ADAM11: variants seen among roughly 807,000 people sequenced by gnomAD.
The protein encoded by ADAM11 is ADAM metallopeptidase domain 11.
ADAM11 carries 49 observed loss-of-function variants against 119.1 expected under a neutral mutation model. The ratio of observed to expected loss-of-function variants is 0.41; its 90% CI spans 0.33 to 0.52. The LOEUF is 0.52. Ranked by LOEUF, ADAM11 falls within the 20% of genes least tolerant of loss-of-function variation. ADAM11 has a pLI of 0.20. For synonymous variants in ADAM11, 364 were observed against 408.0 expected (o/e 0.89, Z 1.30); for missense variants, 777 against 1,047.5 (o/e 0.74, Z 3.56).
chr17:44,772,024 C>T lies in ADAM11; in HGVS notation c.543+193C>T, dbSNP rs1205165056. On this transcript the variant is annotated intron_variant, in intron 6 of 26. Coordinates refer to ENST00000200557, the MANE Select transcript of ADAM11 (RefSeq NM_002390.6). The surrounding 1 kb of genome is among the most constrained non-coding windows in gnomAD (Gnocchi z 4.5). ...CCCCCTGTGCCCCCAGCTCCAATGTCCCATCTGTCCCATAAGTGACCTCCC... is the reference window on the plus strand; with the variant it reads ...CCCCCTGTGCCCCCAGCTCCAATGTTCCATCTGTCCCATAAGTGACCTCCC... Among the ~76,000 whole-genome samples the T allele has an allele frequency of 6.6e-6, 1 of 152,138 alleles. No homozygotes were observed. The highest frequency in any genetic ancestry group is 1.5e-5 in the Non-Finnish European group (1 of 68,020).
intron 2 of ADAM11, among the ~76,000 whole-genome samples, chr17:44,762,600 G>A (rs747936790): frequency 2.6e-5 from 4 of 152,108 alleles, no homozygotes; most frequent in South Asian, 4.1e-4. Context: ...GTCATGTGTC[G>A]AGTCCAGGGG....
At position 44,772,413 on chromosome 17, in the gene ADAM11, G is replaced by A. The variant is rs746156030; in HGVS notation, c.625G>A (p.Val209Met). 3 of 1,578,886 alleles carry A rather than the reference G, an allele frequency of 1.9e-6. No individual in the cohort carries two copies. The highest frequency in any genetic ancestry group is 2.3e-5 in the South Asian group (2 of 86,966). Reference protein sequence around the residue: ...GCREPGCLFAVPAQSAPPNRP... With the variant: ...GCREPGCLFAMPAQSAPPNRP... The stretch of plus-strand genomic sequence containing the variant: ...CCTCCCCACAGGCTGCCTGTTTGCT[G>A]TGCCTGCCCAGTCGGCTCCTCCAAA... Residue 209 changes from valine (V) to methionine (M), a missense_variant, in exon 8 of 27, where the codon GTG becomes ATG. Val to Met is a conservative substitution (Grantham distance 21). Transcript: ENST00000200557. This position sits in a 1 kb window ranked among gnomAD's most constrained non-coding sequence, Gnocchi z 4.5.
intron 2 of ADAM11, among the ~76,000 whole-genome samples, chr17:44,763,575 TGC>T (rs1156915409): frequency 6.6e-6 from 1 of 152,150 alleles, no homozygotes; most frequent in Non-Finnish European, 1.5e-5. Flanking sequence ...CGAGGGGTGG[TGC>T]AGGTCAGGCA....
intron 2 of ADAM11, among the ~76,000 whole-genome samples, chr17:44,762,705 T>G (rs1244328165): frequency 1.3e-5 from 2 of 151,954 alleles, no homozygotes; most frequent in Non-Finnish European, 2.9e-5. Context: ...TTCCCTAAAA[T>G]CAGGATGGTA....
intron 2 of ADAM11, among the ~76,000 whole-genome samples, chr17:44,763,641 A>ATGCTT: frequency 1.3e-5 from 2 of 152,160 alleles, no homozygotes; most frequent in Non-Finnish European, 2.9e-5. Flanking sequence ...TGACTGGGCA[A>ATGCTT]GCAGTAAGTG....
chr17:44,779,999 C>T lies in ADAM11; in HGVS notation c.*245C>T. 3 of 705,840 alleles carry T rather than the reference C, an allele frequency of 4.3e-6. No homozygotes were observed. Among genetic ancestry groups the T allele is most frequent in the Non-Finnish European group, 7.7e-6 (3 of 388,826 alleles). 43.7% of individuals were successfully genotyped at this position (705,840 alleles called of 1,614,324 possible). ...CCACCTCCTGCGGCTCAGCCTTGCA[C>T]ACCCACTGCCCCGTGTGAATGTAGC... On this transcript the variant is annotated 3_prime_UTR_variant, in exon 27 of 27. Coordinates refer to ENST00000200557, the MANE Select transcript of ADAM11 (RefSeq NM_002390.6).
chr17:44,778,028 C>T lies in ADAM11; in HGVS notation c.2147C>T (p.Pro716Leu). 1.2e-6 allele frequency: 2 copies of T among 1,613,842 alleles called. No homozygotes were observed. The highest frequency in any genetic ancestry group is 1.1e-5 in the South Asian group (1 of 90,980). ...GACTGCAGTATCCATAACCCCCTGCCCACGTCCCCACCCACGGGGGAGACG... is the reference window on the plus strand; with the variant it reads ...GACTGCAGTATCCATAACCCCCTGCTCACGTCCCCACCCACGGGGGAGACG... Reference protein sequence around the residue: ...GKDCSIHNPLPTSPPTGETER... With the variant: ...GKDCSIHNPLLTSPPTGETER... Residue 716 changes from proline to leucine, a missense_variant, in exon 24 of 27, where the codon CCC (proline) becomes CTC (leucine). Physicochemically the swap from Pro to Leu is moderately conservative, Grantham distance 98. Coordinates refer to ENST00000200557, the MANE Select transcript of ADAM11 (RefSeq NM_002390.6).
intron 25 of ADAM11, 30 bp downstream of exon 25, chr17:44,778,272 G>A (rs761692065): frequency 1.9e-5 from 30 of 1,589,810 alleles, no homozygotes; most frequent in Non-Finnish European, 2.1e-5. Context: ...TGTGCCCCCT[G>A]GCATCCTTGA....
intron 2 of ADAM11, among the ~76,000 whole-genome samples, chr17:44,769,176 G>A (rs190817758): frequency 1.9e-4 from 29 of 152,348 alleles, no homozygotes; most frequent in Middle Eastern, 3.4e-3. Flanking sequence ...GCACCTGCCC[G>A]TCGCCCAGTT....
Position 44,779,933 on chromosome 17 carries a change from G to T in ADAM11, c.*179G>T. 1 of 915,826 alleles carries T rather than the reference G, an allele frequency of 1.1e-6. No individual in the cohort carries two copies. The highest frequency in any genetic ancestry group is 1.4e-5 in the South Asian group (1 of 71,858). The allele number at this position is 915,826 out of a possible 1,614,324, so 56.7% of individuals were successfully genotyped here. On this transcript the variant is annotated 3_prime_UTR_variant, in exon 27 of 27. Transcript: ENST00000200557. ...TGGCCCTGCCCTTGGCACCACCAGGGTGGACCAGGCCTGGAGGGCACTTCC... is the reference window on the plus strand; with the variant it reads ...TGGCCCTGCCCTTGGCACCACCAGGTTGGACCAGGCCTGGAGGGCACTTCC...
intron 4 of ADAM11, among the ~76,000 whole-genome samples, chr17:44,771,030 T>C (rs762973419): frequency 6.6e-6 from 1 of 151,766 alleles, no homozygotes; most frequent in Non-Finnish European, 1.5e-5. Context: ...AGAAGAATTG[T>C]TTGAACCCGG....
At position 44,775,397 on chromosome 17, in the gene ADAM11, C is replaced by T; in HGVS notation, c.1324C>T (p.Leu442=). ...SCLFNKPLKL[L]DPPECGNGFV... The stretch of plus-strand genomic sequence containing the variant: ...CCGACCTGTCCTCCCGGTCCAGCTC[C>T]TGGACCCCCCAGAGTGCGGGAACGG... Residue 442 remains leucine (L), a synonymous_variant, in exon 16 of 27, where the codon CTG becomes TTG. Transcript: ENST00000200557. The surrounding 1 kb of genome is among the most constrained non-coding windows in gnomAD (Gnocchi z 7.5). The T allele has an allele frequency of 6.2e-7, 1 of 1,612,520 alleles. No homozygotes were observed. The highest frequency in any genetic ancestry group is 8.5e-7 in the Non-Finnish European group (1 of 1,179,780).
Position 44,780,058 on chromosome 17 carries a change from G to C in ADAM11, c.*304G>C. The C allele has an allele frequency of 1.5e-6, 1 of 683,050 alleles. No individual in the cohort carries two copies. The allele number at this position is 683,050 out of a possible 1,614,324, so 42.3% of individuals were successfully genotyped here. A position where few individuals can be genotyped will look rare whatever the true frequency, so the allele number is the denominator to read the frequency against. On this transcript the variant is annotated 3_prime_UTR_variant, in exon 27 of 27. Coordinates refer to ENST00000200557, the MANE Select transcript of ADAM11 (RefSeq NM_002390.6). ...CATGGATTGCCACAGCTCAACTCGG[G>C]GGCGCCTGGAGGGATGCCCCCAGGC...
Position 44,759,256 on chromosome 17 carries a change from GC to G in ADAM11, c.60del (p.Gly21ValfsTer66). 7.0e-7 allele frequency: 1 copy of G among 1,418,554 alleles called. No individual in the cohort carries two copies. The highest frequency in any genetic ancestry group is 1.4e-5 in the South Asian group (1 of 71,196). The allele number at this position is 1,418,554 out of a possible 1,614,324, so 87.9% of individuals were successfully genotyped here. ...CTCTGCTGCTGTCGCTGCTCCCCAC[GC>G]CCGGTGAGTGACCCCCGCCCGGCCC... ...AALLLSLLPT[P>X]GLGTQGPAGA... On this transcript the variant is annotated frameshift_variant, in exon 1 of 27. Transcript: ENST00000200557. LOFTEE classifies it high-confidence loss of function.
chr17:44,771,224 C>A (rs1406213651), intron 4 of ADAM11, among the ~76,000 whole-genome samples: 1 of 151,386 alleles, frequency 6.6e-6, no homozygotes, highest in East Asian at 1.9e-4. Flanking sequence ...GGCTTGAACC[C>A]AGGAGGCAGA....
intron 26 of ADAM11, 142 bp downstream of exon 26, chr17:44,779,381 G>C (rs1482937162): frequency 2.1e-6 from 3 of 1,456,756 alleles, no homozygotes; most frequent in Non-Finnish European, 2.7e-6. Flanking sequence ...CTGCCAGGCT[G>C]TCCCGGCAGG....
intron 2 of ADAM11, among the ~76,000 whole-genome samples, chr17:44,768,147 G>A (rs2049473483): frequency 6.6e-6 from 1 of 152,212 alleles, no homozygotes; most frequent in African/African-American, 2.4e-5. Context: ...TGGCATAGGG[G>A]CTTGTTGGTG....
At position 44,772,339 on chromosome 17, in the gene ADAM11, G is replaced by A; in HGVS notation, c.610+6G>A. The A allele has an allele frequency of 6.3e-7, 1 of 1,593,394 alleles. No homozygotes were observed. Among genetic ancestry groups the A allele is most frequent in the Non-Finnish European group, 8.6e-7 (1 of 1,168,694 alleles). ...CCTCGGATGCAGGGAACCAGGTAAG[G>A]GAGGGAAGGGGGGGTGGGGAGGGGC... On this transcript the variant is annotated splice_donor_region_variant and intron_variant, in intron 7 of 26. Transcript: ENST00000200557. The surrounding 1 kb of genome is among the most constrained non-coding windows in gnomAD (Gnocchi z 4.5).
In ADAM11 at chr17:44,772,963, C is replaced by T. The variant is rs765221374; in HGVS notation, c.753+32C>T. On this transcript the variant is annotated intron_variant, in intron 9 of 26. Transcript: ENST00000200557. This position sits in a 1 kb window ranked among gnomAD's most constrained non-coding sequence, Gnocchi z 4.5. ...GCCAGGGCAGGGACAGGGCGTGACACTGGGAGGCCCCTGAGGAGCCTGGCC... is the reference window on the plus strand; with the variant it reads ...GCCAGGGCAGGGACAGGGCGTGACATTGGGAGGCCCCTGAGGAGCCTGGCC... 2 of 1,614,072 alleles carry T rather than the reference C, an allele frequency of 1.2e-6. No individual in the cohort carries two copies. Among genetic ancestry groups the T allele is most frequent in the Admixed American group, 1.7e-5 (1 of 60,020 alleles).
Sources: allele counts gnomAD v4.1 joint callset (sites outside exome capture counted in the v4.1 genomes callset), GRCh38; gene constraint gnomAD v4.1.1; non-coding constraint Gnocchi (gnomAD v3.1); transcripts MANE v1.5; gene names NCBI Gene and HGNC (gene_info 2026-07-23, HGNC 2026-07-21).